The following TCF12 variants were observed in gnomAD, a reference collection of about 807,000 sequenced individuals.
TCF12 encodes transcription factor 12.
A neutral mutation model predicts 86.0 loss-of-function variants in TCF12; 45 were observed. That is an observed-to-expected ratio of 0.52 (90% CI 0.41 to 0.67). The LOEUF is 0.67. TCF12 is among the 30% of genes least tolerant of loss of function. The pLI is 0.00. For synonymous variants in TCF12, 330 were observed against 299.6 expected (o/e 1.10, Z -1.05); for missense variants, 881 against 859.9 (o/e 1.02, Z -0.31).
intron 5 of TCF12, among the ~76,000 whole-genome samples, chr15:57,138,784 A>G (rs2052746470): frequency 6.6e-6 from 1 of 152,246 alleles, no homozygotes; most frequent in South Asian, 2.1e-4. Flanking sequence ...TATTTTCATT[A>G]TAAGCCATTA....
chr15:57,278,417 T>C lies in TCF12; in HGVS notation c.1979-4028T>C, dbSNP rs548625915. Among the ~76,000 whole-genome samples the C allele has an allele frequency of 2.6e-5, 4 of 152,290 alleles. No individual in the cohort carries two copies. The South Asian group carries it at 8.3e-4, about 32-fold the overall frequency. ...TATTGATAGGCATTTGTTAGATCTC[T>C]TGGAGCATTCAGTGGTGGGGTTAGG... On this transcript the variant is annotated intron_variant, in intron 19 of 20. Transcript: ENST00000333725.
At chr15:56,918,555 T>A (rs1182768412), upstream of TCF12, 1 of 266,980 alleles carries the variant, frequency 3.7e-6, no homozygotes, top group East Asian at 1.6e-4. Flanking sequence ...CCCCGCCCCC[T>A]CTGCCGGCCC....
chr15:57,272,524 T>C (rs2061190773), intron 18 of TCF12, among the ~76,000 whole-genome samples: 9 of 152,254 alleles, frequency 5.9e-5, no homozygotes, highest in Admixed American at 5.9e-4. Flanking sequence ...GAGCATAGGC[T>C]AAGCAAATTA....
chr15:56,968,838 A>G (rs1426091422), intron 3 of TCF12, among the ~76,000 whole-genome samples: 2 of 152,236 alleles, frequency 1.3e-5, no homozygotes, highest in Admixed American at 1.3e-4. Flanking sequence ...ATGAGACATC[A>G]GTCATTATGT....
chr15:57,057,951 A>G (rs1352148964), intron 3 of TCF12, among the ~76,000 whole-genome samples: 1 of 152,154 alleles, frequency 6.6e-6, no homozygotes, highest in Non-Finnish European at 1.5e-5. Flanking sequence ...GGGCTTTGGT[A>G]TATTAGATTG....
chr15:57,225,939 C>T (rs1476340086), intron 8 of TCF12, among the ~76,000 whole-genome samples: 1 of 151,392 alleles, frequency 6.6e-6, no homozygotes, highest in Non-Finnish European at 1.5e-5. Context: ...ATACATGTGC[C>T]ATGTTTGGTG....
chr15:57,145,403 G>A (rs911042913), intron 5 of TCF12, among the ~76,000 whole-genome samples: 1 of 151,988 alleles, frequency 6.6e-6, no homozygotes, highest in Non-Finnish European at 1.5e-5. Flanking sequence ...TTTATAAAAT[G>A]GGAATAATAA....
intron 18 of TCF12, among the ~76,000 whole-genome samples, chr15:57,266,090 T>C (rs1413345428): frequency 2.5e-5 from 1 of 39,534 alleles, no homozygotes; most frequent in Non-Finnish European, 5.1e-5. Flanking sequence ...GTTTTTATTA[T>C]TTATTTATTT....
At position 57,076,683 on chromosome 15, in the gene TCF12, C is replaced by G. The variant is rs553264312; in HGVS notation, c.222+12860C>G. On this transcript the variant is annotated intron_variant, in intron 4 of 20. Transcript: ENST00000333725. ...GAAAGGAATAGAATAAACTTTTTCC[C>G]ACATTTTTTTCCATCATAGAATTCC... Among the ~76,000 whole-genome samples, 3 of 151,816 alleles carry G rather than the reference C, an allele frequency of 2.0e-5. No homozygotes were observed. In the South Asian group the frequency reaches 6.3e-4, roughly 32 times the overall value.
intron 3 of TCF12, among the ~76,000 whole-genome samples, chr15:56,985,897 G>A (rs2063156792): frequency 6.6e-6 from 1 of 152,140 alleles, no homozygotes; most frequent in Non-Finnish European, 1.5e-5. Context: ...GACCAACTGT[G>A]AGGCTGAAGG....
intron 3 of TCF12, among the ~76,000 whole-genome samples, chr15:56,990,450 T>C (rs1019812552): frequency 6.6e-6 from 1 of 152,164 alleles, no homozygotes; most frequent in African/African-American, 2.4e-5. Flanking sequence ...CAAAGCTTTC[T>C]TCAAAGAAAG....
chr15:57,208,855 A>C (rs1320670587), intron 8 of TCF12, among the ~76,000 whole-genome samples: 2 of 152,020 alleles, frequency 1.3e-5, no homozygotes, highest in African/African-American at 4.8e-5. Context: ...AACTGGGACT[A>C]CAGGCACATG....
At chr15:57,109,068 C>A (rs1042493885) in intron 5 of TCF12, among the ~76,000 whole-genome samples, 1 of 152,072 alleles carries the variant, frequency 6.6e-6, no homozygotes. Context: ...TAAAAATAAA[C>A]CACCTCTTGC....
At chr15:57,033,525 T>C (rs138493716) in intron 3 of TCF12, among the ~76,000 whole-genome samples, 1 of 152,242 alleles carries the variant, frequency 6.6e-6, no homozygotes, top group East Asian at 1.9e-4. Context: ...GTGTGAGTAG[T>C]GGTGGCAAGA....
intron 3 of TCF12, among the ~76,000 whole-genome samples, chr15:56,951,334 A>G (rs1166720751): frequency 1.3e-5 from 2 of 152,032 alleles, no homozygotes; most frequent in Non-Finnish European, 2.9e-5. Flanking sequence ...CTTACTTGCT[A>G]TCTTTTATCT....
chr15:57,174,759 G>A (rs1176207807), intron 6 of TCF12, among the ~76,000 whole-genome samples: 3 of 152,166 alleles, frequency 2.0e-5, no homozygotes, highest in African/African-American at 7.2e-5. Flanking sequence ...AAAATTAACA[G>A]AATAGTACTG....
intron 3 of TCF12, among the ~76,000 whole-genome samples, chr15:56,996,030 C>G (rs1215215044): frequency 4.6e-5 from 7 of 152,146 alleles, no homozygotes; most frequent in Non-Finnish European, 1.0e-4. Context: ...TTTTCTGCAT[C>G]TATTGAGATG....
intron 12 of TCF12, among the ~76,000 whole-genome samples, chr15:57,241,831 A>G (rs1358317006): frequency 6.6e-6 from 1 of 152,094 alleles, no homozygotes. Context: ...TTTCTCTACT[A>G]AAAATACAAA....
intron 5 of TCF12, among the ~76,000 whole-genome samples, chr15:57,147,308 G>C (rs1042812219): frequency 6.6e-6 from 1 of 152,154 alleles, no homozygotes; most frequent in Non-Finnish European, 1.5e-5. Flanking sequence ...TTTAACATCA[G>C]TGTAATAGTT....
Sources: gnomAD v4.1 joint callset for allele counts (sites outside exome capture counted in the v4.1 genomes callset) on GRCh38, gnomAD v4.1.1 for gene constraint, MANE v1.5 for transcripts, NCBI Gene and HGNC (gene_info 2026-07-23, HGNC 2026-07-21) for gene names.